The following RORA variants were observed in gnomAD, a reference collection of about 807,000 sequenced individuals.
The protein encoded by RORA is RAR related orphan receptor A, also known as nuclear receptor ROR-alpha.
In RORA, 7 loss-of-function variants were observed where a neutral mutation model predicts 69.5. That is an observed-to-expected ratio of 0.10 (90% CI 0.06 to 0.19). RORA has a LOEUF of 0.19. RORA is among the 10% of genes least tolerant of loss of function. The pLI is 1.00. For missense variants in RORA, 457 were observed against 663.0 expected (o/e 0.69, Z 3.41); for synonymous variants, 261 against 240.8 (o/e 1.08, Z -0.78).
chr15:61,063,339 C>CTG (rs906872700), intron 1 of RORA, among the ~76,000 whole-genome samples: 3 of 152,236 alleles, frequency 2.0e-5, no homozygotes, highest in African/African-American at 7.2e-5. Flanking sequence ...ACAGAAGCCA[C>CTG]TGCCCAGTGA....
At chr15:60,815,368 AT>A (rs2072794969) in intron 1 of RORA, among the ~76,000 whole-genome samples, 1 of 152,192 alleles carries the variant, frequency 6.6e-6, no homozygotes, top group African/African-American at 2.4e-5. Flanking sequence ...CCTGGTGATT[AT>A]GGTTTGTCTT....
chr15:60,823,100 ATTC>A (rs1334243632), intron 1 of RORA, among the ~76,000 whole-genome samples: 5 of 62,836 alleles, frequency 8.0e-5, no homozygotes, highest in Admixed American at 7.3e-4. Context: ...TCCTTCCTTC[ATTC>A]TTCTCTTTCT....
At chr15:60,836,297 CA>C (rs1195157111) in intron 1 of RORA, among the ~76,000 whole-genome samples, 2 of 150,940 alleles carry the variant, frequency 1.3e-5, no homozygotes, top group Admixed American at 1.3e-4. Context: ...AGAGAGGAGA[CA>C]AAAAAAAGGA....
At chr15:60,949,706 G>C (rs1893023043) in intron 1 of RORA, among the ~76,000 whole-genome samples, 1 of 152,208 alleles carries the variant, frequency 6.6e-6, no homozygotes, top group Admixed American at 6.5e-5. Context: ...GTTAGAAATG[G>C]TGTTGACACA....
At chr15:60,563,953 G>A (rs190766802) in intron 2 of RORA, among the ~76,000 whole-genome samples, 2 of 152,156 alleles carry the variant, frequency 1.3e-5, no homozygotes, top group African/African-American at 4.8e-5. Context: ...ACCTGCATGC[G>A]GCTTTCACTT....
chr15:60,877,220 G>T (rs2073627166), intron 1 of RORA, among the ~76,000 whole-genome samples: 1 of 152,240 alleles, frequency 6.6e-6, no homozygotes, highest in South Asian at 2.1e-4. Context: ...GGCTGAGCAT[G>T]TATGAAATCC....
chr15:60,776,850 T>C (rs572722198), intron 1 of RORA, among the ~76,000 whole-genome samples: 33 of 152,340 alleles, frequency 2.2e-4, no homozygotes, highest in Admixed American at 6.5e-5. Flanking sequence ...CCTCCCTTTT[T>C]CCTTGCCCTA....
intron 1 of RORA, among the ~76,000 whole-genome samples, chr15:60,740,272 G>GAA (rs143064517): frequency 6.6e-6 from 1 of 152,070 alleles, no homozygotes; most frequent in Admixed American, 6.6e-5. Context: ...CACTTCAGAA[G>GAA]AAAAATCACC....
intron 1 of RORA, among the ~76,000 whole-genome samples, chr15:60,941,288 T>C (rs1461687671): frequency 6.6e-6 from 1 of 152,244 alleles, no homozygotes; most frequent in Non-Finnish European, 1.5e-5. Flanking sequence ...TCAGGTTCCT[T>C]GTCCTTGAAG....
At chr15:61,023,842 C>T (rs1895662864) in intron 1 of RORA, among the ~76,000 whole-genome samples, 1 of 152,186 alleles carries the variant, frequency 6.6e-6, no homozygotes, top group Non-Finnish European at 1.5e-5. Flanking sequence ...GACCTTATCA[C>T]ACTGTCTTCA....
intron 4 of RORA, among the ~76,000 whole-genome samples, chr15:60,512,276 TTTTTA>T (rs1248907925): frequency 1.3e-5 from 2 of 152,094 alleles, no homozygotes; most frequent in African/African-American, 4.8e-5. Context: ...CCCATCTTTA[TTTTTA>T]TTTATTTAGT....
chr15:61,084,635 T>C (rs2078595878), intron 1 of RORA, among the ~76,000 whole-genome samples: 1 of 152,184 alleles, frequency 6.6e-6, no homozygotes, highest in Non-Finnish European at 1.5e-5. Context: ...TCTTCAAGTG[T>C]TCTCAGTAAC....
chr15:60,710,058 G>A (rs2071122436), intron 1 of RORA, among the ~76,000 whole-genome samples: 1 of 152,112 alleles, frequency 6.6e-6, no homozygotes, highest in South Asian at 2.1e-4. Flanking sequence ...TTTTACCTTG[G>A]TTTCACTGCC....
At chr15:60,864,139 C>T (rs908728621) in intron 1 of RORA, among the ~76,000 whole-genome samples, 2 of 152,116 alleles carry the variant, frequency 1.3e-5, no homozygotes, top group African/African-American at 2.4e-5. Flanking sequence ...TAGGAGGAGG[C>T]GGACAACTGG....
At chr15:61,076,218 G>A (rs1198526909) in intron 1 of RORA, among the ~76,000 whole-genome samples, 1 of 152,184 alleles carries the variant, frequency 6.6e-6, no homozygotes, top group Non-Finnish European at 1.5e-5. Flanking sequence ...AGTTGCCGAG[G>A]GTAGGGCCAA....
chr15:60,527,570 C>T (rs1201505511), intron 3 of RORA, among the ~76,000 whole-genome samples: 1 of 152,190 alleles, frequency 6.6e-6, no homozygotes, highest in Non-Finnish European at 1.5e-5. Context: ...AATTCTTTTC[C>T]AAGAGCTCAG....
In RORA at chr15:60,497,260, T is replaced by G. The variant is rs199530153; in HGVS notation, c.*195A>C. 2.4e-5 allele frequency: 13 copies of G among 544,822 alleles called. No individual in the cohort carries two copies. The highest frequency in any genetic ancestry group is 3.6e-5 in the Non-Finnish European group (11 of 308,788). The allele number at this position is 544,822 out of a possible 1,614,324, so 33.7% of individuals were successfully genotyped here. On this transcript the variant is annotated 3_prime_UTR_variant, in exon 11 of 11. Transcript: ENST00000335670. ...ATCTGTAGGCATAATGGAAATCATA[T>G]GCATGAGAAAAACAAGTTCAACTTT...
chr15:60,504,806 T>C (rs1428325275), intron 6 of RORA, among the ~76,000 whole-genome samples: 2 of 152,200 alleles, frequency 1.3e-5, no homozygotes, highest in Non-Finnish European at 1.5e-5. Flanking sequence ...ATCTTTTTCG[T>C]TGCTAACTTG....
intron 1 of RORA, among the ~76,000 whole-genome samples, chr15:61,006,031 C>T (rs774757872): frequency 3.3e-5 from 5 of 152,016 alleles, no homozygotes; most frequent in Non-Finnish European, 5.9e-5. Context: ...TGCAGTGGCG[C>T]GATCTTGGCT....
Sources: gnomAD v4.1 joint callset for allele counts (sites outside exome capture counted in the v4.1 genomes callset) on GRCh38, gnomAD v4.1.1 for gene constraint, MANE v1.5 for transcripts, NCBI Gene and HGNC (gene_info 2026-07-23, HGNC 2026-07-21) for gene names.